The following IRF2 variants were observed in gnomAD, a reference collection of about 807,000 sequenced individuals.
IRF2 encodes interferon regulatory factor 2.
Under a neutral mutation model 40.6 loss-of-function variants are expected in IRF2, and 15 were observed. The ratio of observed to expected loss-of-function variants is 0.37; its 90% CI spans 0.25 to 0.57. The LOEUF (loss-of-function observed/expected upper bound fraction) is 0.57, where lower values mean the gene tolerates loss of function less well. Ranked by LOEUF, IRF2 falls within the 20% of genes least tolerant of loss-of-function variation. IRF2 has a pLI of 0.77. For synonymous variants in IRF2, 151 were observed against 165.5 expected (o/e 0.91, Z 0.67); for missense variants, 317 against 455.7 (o/e 0.70, Z 2.77).
chr4:184,462,818 C>G (rs950223321), intron 1 of IRF2, among the ~76,000 whole-genome samples: 1 of 152,170 alleles, frequency 6.6e-6, no homozygotes, highest in Non-Finnish European at 1.5e-5. Flanking sequence ...AATTCATATA[C>G]CATTAGGTTT....
At chr4:184,457,873 T>C (rs1020794503) in intron 1 of IRF2, among the ~76,000 whole-genome samples, 20 of 150,858 alleles carry the variant, frequency 1.3e-4, no homozygotes, top group African/African-American at 4.9e-4. Flanking sequence ...AAAAGCTGGC[T>C]GTATCCTCGG....
At chr4:184,395,274 T>A (rs563698856) in intron 7 of IRF2, among the ~76,000 whole-genome samples, 1 of 151,636 alleles carries the variant, frequency 6.6e-6, no homozygotes, top group African/African-American at 2.4e-5. Context: ...TTAGCCGGGC[T>A]TGGTTGTGGG....
At chr4:184,449,053 G>C (rs793782) in intron 1 of IRF2, 5,622 of 152,546 alleles carry the variant, frequency 0.037, 310 homozygotes, top group East Asian at 0.23. Context: ...CTCCCACACT[G>C]AGAACAGAAA....
Position 184,413,575 on chromosome 4 carries a change from G to A in IRF2, c.411+4592C>T, listed in dbSNP as rs187361319. On this transcript the variant is annotated intron_variant, in intron 5 of 8. Transcript: ENST00000393593. The surrounding 1 kb of genome is among the most constrained non-coding windows in gnomAD (Gnocchi z 4.2). ...GCTCAGGTCACTGTTAGAGCCAACA[G>A]CTCTATGAGAAAGAGCAGCCGAACC... 5.9e-5 allele frequency among the ~76,000 whole-genome samples: 9 copies of A among 152,342 alleles called. No individual in the cohort carries two copies. The highest frequency in any genetic ancestry group is 7.3e-5 in the Non-Finnish European group (5 of 68,038).
At chr4:184,431,631 G>A (rs1394610445) in intron 1 of IRF2, among the ~76,000 whole-genome samples, 1 of 152,142 alleles carries the variant, frequency 6.6e-6, no homozygotes, top group African/African-American at 2.4e-5. Context: ...AGCGAGGGAA[G>A]AGTAGTTACA....
rs149022805 is a variant in IRF2, at chr4:184,388,999, C to A, written c.809G>T (p.Gly270Val). 3.4e-5 allele frequency: 55 copies of A among 1,614,096 alleles called. No homozygotes were observed. Among genetic ancestry groups the A allele is most frequent in the Non-Finnish European group, 7.6e-6 (9 of 1,180,046 alleles). Reference sequence around the variant, plus strand: ...CGCCATGCCGGGCAGCAGGTAGGAGCCTCGAGTCCCCATGTTGCTGAGGTA... The same window carrying A: ...CGCCATGCCGGGCAGCAGGTAGGAGACTCGAGTCCCCATGTTGCTGAGGTA... ...KQYLSNMGTR[G>V]SYLLPGMASF... Residue 270 changes from glycine (G) to valine (V), a missense_variant, in exon 9 of 9, where the codon GGC (glycine) becomes GTC (valine). Transcript: ENST00000393593. This position sits in a 1 kb window ranked among gnomAD's most constrained non-coding sequence, Gnocchi z 4.6.
At chr4:184,418,998 G>C (rs113047149) in intron 3 of IRF2, among the ~76,000 whole-genome samples, 12 of 152,304 alleles carry the variant, frequency 7.9e-5, no homozygotes, top group African/African-American at 2.6e-4. Flanking sequence ...TGGAGCATCA[G>C]CGTAAGAAAA....
At chr4:184,403,699 T>A (rs1736750341) in intron 6 of IRF2, among the ~76,000 whole-genome samples, 1 of 152,220 alleles carries the variant, frequency 6.6e-6, no homozygotes, top group Admixed American at 6.5e-5. Flanking sequence ...GTTAATGAAG[T>A]CCAAACTGAG....
intron 6 of IRF2, among the ~76,000 whole-genome samples, chr4:184,401,388 GGCTGTGATAC>G (rs1248030852): frequency 6.6e-6 from 1 of 152,190 alleles, no homozygotes; most frequent in Non-Finnish European, 1.5e-5. Flanking sequence ...GGGGATTTGG[GGCTGTGATAC>G]AAGAGTCCAA....
chr4:184,410,323 A>C (rs1257510735), intron 5 of IRF2, among the ~76,000 whole-genome samples: 1 of 152,244 alleles, frequency 6.6e-6, no homozygotes, highest in African/African-American at 2.4e-5. Flanking sequence ...CATGGCACTT[A>C]CTAGTAAATA....
chr4:184,390,635 G>T (rs918611109), intron 8 of IRF2, 68 bp downstream of exon 8: 7 of 1,500,602 alleles, frequency 4.7e-6, no homozygotes, highest in African/African-American at 2.8e-5. Context: ...CCAGCAGCAA[G>T]GAAAGCCCGG....
intron 7 of IRF2, among the ~76,000 whole-genome samples, chr4:184,398,702 T>C (rs1441452427): frequency 6.6e-6 from 1 of 151,566 alleles, no homozygotes; most frequent in Non-Finnish European, 1.5e-5. Flanking sequence ...CATGGCCAAC[T>C]GAGTAAAGAA....
chr4:184,388,892 G>C lies in IRF2; in HGVS notation c.916C>G (p.Pro306Ala). 1 of 1,614,040 alleles carries C rather than the reference G, an allele frequency of 6.2e-7. No individual in the cohort carries two copies. Among genetic ancestry groups the C allele is most frequent in the South Asian group, 1.1e-5 (1 of 91,072 alleles). Residue 306 changes from proline (P) to alanine (A), a missense_variant, in exon 9 of 9, where the codon CCC (proline) becomes GCC (alanine). Transcript: ENST00000393593. This position sits in a 1 kb window ranked among gnomAD's most constrained non-coding sequence, Gnocchi z 4.6. ...GAAAGGGGGAGGTCTTGAAAAGGGGGCCAGGAGCTGTTGTAAGGCACCGGA... is the reference window on the plus strand; with the variant it reads ...GAAAGGGGGAGGTCTTGAAAAGGGGCCCAGGAGCTGTTGTAAGGCACCGGA... ...SNPVPYNSSW[P>A]PFQDLPLSSS... is the part of the protein sequence containing the mutation.
At chr4:184,431,579 G>A (rs1375240614) in intron 1 of IRF2, among the ~76,000 whole-genome samples, 1 of 144,238 alleles carries the variant, frequency 6.9e-6, no homozygotes, top group Admixed American at 6.9e-5. Flanking sequence ...GACACAGATT[G>A]GAGACCACTA....
intron 1 of IRF2, among the ~76,000 whole-genome samples, chr4:184,457,727 G>A (rs562970542): frequency 6.2e-4 from 95 of 152,140 alleles, no homozygotes; most frequent in African/African-American, 2.2e-3. Flanking sequence ...AAATGCACAC[G>A]CCTCAGAGCT....
At chr4:184,429,886 T>C (rs1193520054) in intron 1 of IRF2, among the ~76,000 whole-genome samples, 1 of 152,204 alleles carries the variant, frequency 6.6e-6, no homozygotes, top group Non-Finnish European at 1.5e-5. Flanking sequence ...TCCATCGGAA[T>C]AGATCCAGAG....
chr4:184,444,943 C>T (rs1171393944), intron 1 of IRF2, among the ~76,000 whole-genome samples: 4 of 152,202 alleles, frequency 2.6e-5, no homozygotes, highest in African/African-American at 9.7e-5. Context: ...TGAAAAAAGT[C>T]GGGGAGCAGG....
intron 6 of IRF2, among the ~76,000 whole-genome samples, chr4:184,403,481 C>T (rs995559530): frequency 4.6e-5 from 7 of 152,190 alleles, no homozygotes; most frequent in African/African-American, 1.7e-4. Flanking sequence ...ATCTTTGCCT[C>T]TCCCTACCAC....
chr4:184,461,179 G>A (rs952612826), intron 1 of IRF2, among the ~76,000 whole-genome samples: 1 of 152,174 alleles, frequency 6.6e-6, no homozygotes, highest in African/African-American at 2.4e-5. Flanking sequence ...AACCCCATCA[G>A]TTTTCCTTAA....
Sources: gnomAD v4.1 joint callset for allele counts (sites outside exome capture counted in the v4.1 genomes callset) on GRCh38, gnomAD v4.1.1 for gene constraint, Gnocchi (gnomAD v3.1) non-coding constraint, MANE v1.5 for transcripts, NCBI Gene and HGNC (gene_info 2026-07-23, HGNC 2026-07-21) for gene names.